ACSF3: variants seen among roughly 807,000 people sequenced by gnomAD.
ACSF3 encodes acyl-CoA synthetase family member 3.
ACSF3 carries 78 observed loss-of-function variants against 53.2 expected under a neutral mutation model. The ratio of observed to expected loss-of-function variants is 1.47; its 90% confidence interval spans 1.22 to 1.77. ACSF3 has a LOEUF of 1.77. Among genes scored for constraint, ACSF3 ranks in the 40% most tolerant of loss-of-function variants. The pLI is 0.00. For missense variants in ACSF3, 937 were observed against 771.1 expected, an observed-to-expected ratio of 1.22 and a Z score of -2.55; for synonymous variants, 414 against 333.1, an observed-to-expected ratio of 1.24 and a Z score of -2.65.
chr16:89,126,683 A>G (rs1908176377), intron 7 of ACSF3, among the ~76,000 whole-genome samples: 1 of 152,216 alleles, frequency 6.6e-6, no homozygotes, highest in South Asian at 2.1e-4. Flanking sequence ...AAATTAACTT[A>G]CTAGTTTTAG....
intron 10 of ACSF3, 130 bp from the exon 11 acceptor site, chr16:89,153,960 C>A: frequency 1.1e-6 from 1 of 938,672 alleles, no homozygotes. Flanking sequence ...CCTGCCTGGC[C>A]TCAGGATGGC....
chr16:89,116,777 G>A (rs751247505), intron 6 of ACSF3, among the ~76,000 whole-genome samples: 28 of 152,070 alleles, frequency 1.8e-4, no homozygotes, highest in Non-Finnish European at 3.5e-4. Context: ...CCTGCCCTGG[G>A]CCGGCTCCCG....
chr16:89,147,126 G>A (rs1913106946), intron 10 of ACSF3, among the ~76,000 whole-genome samples: 1 of 149,580 alleles, frequency 6.7e-6, no homozygotes, highest in Non-Finnish European at 1.5e-5. Context: ...GCCGGAGCAG[G>A]AGGGAGGAGG....
At chr16:89,112,845 T>A (rs889013771) in intron 5 of ACSF3, among the ~76,000 whole-genome samples, 1 of 152,218 alleles carries the variant, frequency 6.6e-6, no homozygotes. Context: ...CTGCCTCTCC[T>A]ATGCAGTCTC....
chr16:89,127,058 G>A (rs1259287384), intron 7 of ACSF3, among the ~76,000 whole-genome samples: 6 of 152,110 alleles, frequency 3.9e-5, no homozygotes, highest in Non-Finnish European at 8.8e-5. Flanking sequence ...TTCATTCCCA[G>A]GACAAACCCC....
intron 2 of ACSF3, 148 bp downstream of exon 2, chr16:89,098,911 A>G: frequency 2.5e-6 from 1 of 395,850 alleles, no homozygotes; most frequent in South Asian, 1.8e-5. Context: ...CATTGTCAAA[A>G]TAATACTTGT....
At chr16:89,128,004 T>C (rs1908492336) in intron 7 of ACSF3, among the ~76,000 whole-genome samples, 1 of 152,088 alleles carries the variant, frequency 6.6e-6, no homozygotes, top group Admixed American at 6.5e-5. Flanking sequence ...GTTTTATGGC[T>C]CTTTTTTCAA....
intron 6 of ACSF3, among the ~76,000 whole-genome samples, chr16:89,117,621 G>A (rs1905387053): frequency 6.6e-6 from 1 of 151,608 alleles, no homozygotes; most frequent in Non-Finnish European, 1.5e-5. Flanking sequence ...GAGCAGCCCA[G>A]GGACCGCCGT....
At chr16:89,147,233 G>A (rs1567749582) in intron 10 of ACSF3, among the ~76,000 whole-genome samples, 1 of 90,006 alleles carries the variant, frequency 1.1e-5, no homozygotes, top group Non-Finnish European at 2.2e-5. Flanking sequence ...CACAGAGTGA[G>A]TGAGGGAGGA....
rs752534981 is a variant in ACSF3, at chr16:89,101,084, G to A, written c.403G>A (p.Glu135Lys). The A allele has an allele frequency of 1.2e-6, 2 of 1,614,098 alleles. No individual in the cohort carries two copies. Among genetic ancestry groups the A allele is most frequent in the Non-Finnish European group, 1.7e-6 (2 of 1,180,016 alleles). Residue 135 changes from glutamate to lysine, a missense_variant, in exon 3 of 11, where the codon GAG (glutamate) becomes AAG (lysine). Physicochemically the swap from Glu to Lys is moderately conservative, Grantham distance 56. Transcript: ENST00000614302. ...CAGGAAGCATCCCGCGGCCCAGCTG[G>A]AGTATGTCATCTGCGACTCCCAGAG... ...LYRKHPAAQL[E>K]YVICDSQSSV... is the part of the protein sequence containing the mutation.
At chr16:89,117,643 G>A (rs1358820651) in intron 6 of ACSF3, among the ~76,000 whole-genome samples, 3 of 151,912 alleles carry the variant, frequency 2.0e-5, no homozygotes, top group South Asian at 4.2e-4. Context: ...CACACCAAGA[G>A]CGCCAAGGAG....
intron 6 of ACSF3, among the ~76,000 whole-genome samples, chr16:89,116,659 C>G (rs1445968526): frequency 6.6e-6 from 1 of 152,108 alleles, no homozygotes; most frequent in East Asian, 1.9e-4. Flanking sequence ...GCAACAGTGC[C>G]CAGGGCAGTG....
At position 89,112,173 on chromosome 16, in the gene ACSF3, G is replaced by C; in HGVS notation, c.904G>C (p.Glu302Gln). The change falls in exon 5 of 11, where the codon GAG becomes CAG. Residue 302 changes from glutamate (E) to glutamine (Q), a missense_variant. Physicochemically the swap from Glu to Gln is conservative, Grantham distance 29. Transcript: ENST00000614302. ...AVPTIYTKLM[E>Q]YYDRHFTQPH... Reference sequence around the variant, plus strand: ...GCCTACAATATACACCAAGCTGATGGAGTACTACGACAGGCATTTTACCCA... The same window carrying C: ...GCCTACAATATACACCAAGCTGATGCAGTACTACGACAGGCATTTTACCCA... 7.7e-7 allele frequency: 1 copy of C among 1,303,212 alleles called. No individual in the cohort carries two copies. The allele number at this position is 1,303,212 out of a possible 1,614,324, so 80.7% of individuals were successfully genotyped here. A position where few individuals can be genotyped will look rare whatever the true frequency, so the allele number is the denominator to read the frequency against.
At chr16:89,118,281 T>C (rs1905707186) in intron 6 of ACSF3, among the ~76,000 whole-genome samples, 1 of 152,272 alleles carries the variant, frequency 6.6e-6, no homozygotes, top group Admixed American at 6.5e-5. Context: ...CAAATATCTG[T>C]GATTTTATCC....
Position 89,145,997 on chromosome 16 carries a change from A to G in ACSF3, c.1561A>G (p.Thr521Ala). ...GGGCCAGCGGGTCACTGCTGTGGTG[A>G]CCCTCCGAGAAGGACACTCACTGTC... Reference protein sequence around the residue: ...TWGQRVTAVVTLREGHSLSHR... With the variant: ...TWGQRVTAVVALREGHSLSHR... Residue 521 changes from threonine (T) to alanine (A), a missense_variant, in exon 10 of 11, where the codon ACC becomes GCC. Physicochemically the swap from Thr to Ala is moderately conservative, Grantham distance 58. Transcript: ENST00000614302. The G allele has an allele frequency of 1.5e-6, 2 of 1,363,848 alleles. No individual in the cohort carries two copies. The highest frequency in any genetic ancestry group is 3.3e-5 in the African/African-American group (2 of 60,528). The allele number at this position is 1,363,848 out of a possible 1,614,324, so 84.5% of individuals were successfully genotyped here. A position where few individuals can be genotyped will look rare whatever the true frequency, so the allele number is the denominator to read the frequency against.
In ACSF3 at chr16:89,100,897, T is replaced by C. The variant is rs1405537973; in HGVS notation, c.216T>C (p.Tyr72=). ...GCCGCCACACGTACAGGGAGCTTTA[T>C]TCCCGCAGCCTTCGCCTGTCCCAGG... The part of the protein sequence containing the change: ...QHGRHTYREL[Y]SRSLRLSQEI... The change falls in exon 3 of 11, where the codon TAT becomes TAC. Residue 72 remains tyrosine (Y), a synonymous_variant. Coordinates refer to ENST00000614302, the MANE Select transcript of ACSF3 (RefSeq NM_001243279.3). The C allele has an allele frequency of 1.9e-6, 3 of 1,613,874 alleles. No individual in the cohort carries two copies. Among genetic ancestry groups the C allele is most frequent in the Non-Finnish European group, 2.5e-6 (3 of 1,180,028 alleles).
intron 7 of ACSF3, among the ~76,000 whole-genome samples, chr16:89,127,897 G>A (rs2151503134): frequency 6.6e-6 from 1 of 152,260 alleles, no homozygotes; most frequent in South Asian, 2.1e-4. Flanking sequence ...CCTTTTAATG[G>A]TTTCAGGGCC....
chr16:89,098,846 A>C (rs539028189), intron 2 of ACSF3, 83 bp downstream of exon 2: 1 of 449,110 alleles, frequency 2.2e-6, no homozygotes, highest in African/African-American at 2.0e-5. Flanking sequence ...AGTGTGGTTG[A>C]GGCAAAATGC....
In ACSF3 at chr16:89,100,994, G is replaced by A. The variant is rs145969050; in HGVS notation, c.313G>A (p.Asp105Asn). 20 of 1,613,396 alleles carry A rather than the reference G, an allele frequency of 1.2e-5. No homozygotes were observed. Among genetic ancestry groups the A allele is most frequent in the African/African-American group, 9.3e-5 (7 of 74,916 alleles). Residue 105 changes from aspartate to asparagine, a missense_variant, in exon 3 of 11, where the codon GAT becomes AAT. Asp to Asn is a conservative substitution (Grantham distance 23, BLOSUM62 1). Transcript: ENST00000614302. The part of the protein sequence containing the change: ...EERVSFLCAN[D>N]ASYVVAQWAS... ...GAGGGTCTCCTTCCTATGCGCTAAC[G>A]ATGCCTCCTACGTCGTGGCCCAGTG...
Sources: allele counts gnomAD v4.1 joint callset (sites outside exome capture counted in the v4.1 genomes callset), GRCh38; gene constraint gnomAD v4.1.1; transcripts MANE v1.5; gene names NCBI Gene and HGNC (gene_info 2026-07-23, HGNC 2026-07-21).